Variants in CR1L observed in about 807,000 individuals in gnomAD.
The protein encoded by CR1L is complement C3b/C4b receptor 1 like, also known as complement component receptor 1-like protein.
CR1L carries 59 observed loss-of-function variants against 62.3 expected under a neutral mutation model. That is an observed-to-expected ratio of 0.95 (90% CI 0.77 to 1.18). The LOEUF (loss-of-function observed/expected upper bound fraction) is 1.18, where lower values mean the gene tolerates loss of function less well. Among genes scored for constraint, CR1L ranks in the 50% most tolerant of loss-of-function variants. The pLI is 0.00. For synonymous variants in CR1L, 279 were observed against 248.7 expected, an observed-to-expected ratio of 1.12 and a Z score of -1.15; for missense variants, 700 against 702.8, an observed-to-expected ratio of 1.00 and a Z score of 0.04.
chr1:207,675,881 G>A (rs1022668426), intron 1 of CR1L, among the ~76,000 whole-genome samples: 9 of 152,126 alleles, frequency 5.9e-5, no homozygotes, highest in East Asian at 1.9e-4. Context: ...GAGAAAATAC[G>A]TCTTCTTTAT....
intron 1 of CR1L, among the ~76,000 whole-genome samples, chr1:207,670,818 G>T (rs1663600822): frequency 1.3e-5 from 2 of 151,102 alleles, no homozygotes; most frequent in African/African-American, 5.0e-5. Context: ...GCAATCTGTT[G>T]TCAGTGCTTA....
intron 1 of CR1L, among the ~76,000 whole-genome samples, chr1:207,648,999 G>T (rs1663180867): frequency 6.6e-6 from 1 of 152,164 alleles, no homozygotes; most frequent in African/African-American, 2.4e-5. Context: ...GGGACATATT[G>T]TGCTGGGTGT....
intron 4 of CR1L, among the ~76,000 whole-genome samples, chr1:207,686,895 C>T (rs1269410416): frequency 6.6e-6 from 1 of 152,152 alleles, no homozygotes; most frequent in Non-Finnish European, 1.5e-5. Context: ...AGAAGAGCTC[C>T]TTTGCCCCTC....
At chr1:207,650,819 T>A (rs1468688148) in intron 1 of CR1L, among the ~76,000 whole-genome samples, 1 of 151,572 alleles carries the variant, frequency 6.6e-6, no homozygotes, top group Non-Finnish European at 1.5e-5. Context: ...AGAGTCTCGC[T>A]CTGCTGCCCA....
chr1:207,692,060 CAGTT>C (rs561357980), intron 4 of CR1L, among the ~76,000 whole-genome samples: 45 of 152,274 alleles, frequency 3.0e-4, no homozygotes, highest in Admixed American at 1.9e-3. Flanking sequence ...ACAGTTCAAA[CAGTT>C]AGCCACATTT....
intron 1 of CR1L, among the ~76,000 whole-genome samples, chr1:207,665,139 T>C (rs1663496405): frequency 6.6e-6 from 1 of 150,398 alleles, no homozygotes; most frequent in Admixed American, 6.6e-5. Flanking sequence ...CTGCAAGCTC[T>C]GCCTCCCGGG....
intron 1 of CR1L, chr1:207,669,542 T>C: frequency 6.4e-7 from 1 of 1,570,724 alleles, no homozygotes; most frequent in Non-Finnish European, 8.6e-7. Context: ...GTCGTGGTGC[T>C]GCTCGCGCTG....
intron 3 of CR1L, among the ~76,000 whole-genome samples, 153 bp from the exon 4 acceptor site, chr1:207,683,719 G>T (rs1440099846): frequency 6.6e-6 from 1 of 152,200 alleles, no homozygotes; most frequent in African/African-American, 2.4e-5. Flanking sequence ...AAAGTCCCAA[G>T]AATGTGAAAT....
chr1:207,690,071 T>C (rs558544651), intron 4 of CR1L, among the ~76,000 whole-genome samples: 2 of 152,164 alleles, frequency 1.3e-5, no homozygotes, highest in South Asian at 4.1e-4. Flanking sequence ...CTTTTAACTT[T>C]CTTGTTTTTT....
At chr1:207,659,998 A>C (rs1659362655) in intron 1 of CR1L, among the ~76,000 whole-genome samples, 1 of 151,974 alleles carries the variant, frequency 6.6e-6, no homozygotes. Flanking sequence ...CTATGCTCAC[A>C]GTGTAAACAA....
chr1:207,709,806 C>A (rs1664324108), intron 10 of CR1L, among the ~76,000 whole-genome samples: 1 of 142,506 alleles, frequency 7.0e-6, no homozygotes, highest in Admixed American at 7.2e-5. Context: ...TACTGCACTC[C>A]AGCCTGGGCA....
At chr1:207,691,748 C>A (rs1283480030) in intron 4 of CR1L, among the ~76,000 whole-genome samples, 1 of 152,198 alleles carries the variant, frequency 6.6e-6, no homozygotes, top group African/African-American at 2.4e-5. Flanking sequence ...CTCCAAACAA[C>A]GCAAGTACCC....
chr1:207,661,924 T>G (rs1025250708), intron 1 of CR1L, among the ~76,000 whole-genome samples: 19 of 152,184 alleles, frequency 1.2e-4, no homozygotes, highest in African/African-American at 3.9e-4. Flanking sequence ...TGGCTGGATA[T>G]GAAATTCTGG....
At chr1:207,718,335 C>T (rs544974369) in intron 11 of CR1L, among the ~76,000 whole-genome samples, 10 of 152,284 alleles carry the variant, frequency 6.6e-5, no homozygotes, top group East Asian at 3.9e-4. Context: ...ACTTGACAAC[C>T]GTAGATGCAT....
At chr1:207,689,534 G>A (rs1656063085) in intron 4 of CR1L, among the ~76,000 whole-genome samples, 1 of 152,040 alleles carries the variant, frequency 6.6e-6, no homozygotes, top group Admixed American at 6.5e-5. Context: ...TAGAAAATTT[G>A]CATTTATGTT....
rs750550677 is a variant in CR1L, at chr1:207,645,219, T to C, written c.-15T>C. On this transcript the variant is annotated 5_prime_UTR_variant, in exon 1 of 12. Transcript: ENST00000508064. Reference sequence around the variant, plus strand: ...GCTCACCTCCGGATAAATCACGGGGTCTCCCGCGCCGCTCATGGCGCCTCC... The same window carrying C: ...GCTCACCTCCGGATAAATCACGGGGCCTCCCGCGCCGCTCATGGCGCCTCC... The C allele has an allele frequency of 6.2e-7, 1 of 1,611,980 alleles. No homozygotes were observed. The highest frequency in any genetic ancestry group is 1.1e-5 in the South Asian group (1 of 91,006).
rs367948380 is a variant in CR1L at position 207,683,893 on chromosome 1, G to C, written c.399G>C (p.Ser133=). Residue 133 remains serine (S), a synonymous_variant, in exon 4 of 12, where the codon TCG becomes TCC. Transcript: ENST00000508064. Reference sequence around the variant, plus strand: ...CTAGATACCGACTCATTGGTTCCTCGTCTGCCACATGCATCATCTCAGGCA... The same window carrying C: ...CTAGATACCGACTCATTGGTTCCTCCTCTGCCACATGCATCATCTCAGGCA... ...CPKGYRLIGS[S]SATCIISGNT... 1 of 1,612,686 alleles carries C rather than the reference G, an allele frequency of 6.2e-7. No homozygotes were observed. The highest frequency in any genetic ancestry group is 1.3e-5 in the African/African-American group (1 of 74,862).
chr1:207,723,594 T>C, intron 11 of CR1L, 24 bp from the exon 12 acceptor site: 3 of 1,566,640 alleles, frequency 1.9e-6, no homozygotes, highest in Non-Finnish European at 2.6e-6. Flanking sequence ...AGTGATGTTT[T>C]TGTGACTTTT....
intron 10 of CR1L, among the ~76,000 whole-genome samples, chr1:207,714,054 T>C (rs1653915223): frequency 6.6e-6 from 1 of 152,216 alleles, no homozygotes; most frequent in Non-Finnish European, 1.5e-5. Context: ...CCTGAGTTCT[T>C]GTCCCGCATC....
Sources: gnomAD v4.1 joint callset for allele counts (sites outside exome capture counted in the v4.1 genomes callset) on GRCh38, gnomAD v4.1.1 for gene constraint, MANE v1.5 for transcripts, NCBI Gene and HGNC (gene_info 2026-07-23, HGNC 2026-07-21) for gene names.